SLC9A6: variants seen among roughly 807,000 people sequenced by gnomAD.
The protein encoded by SLC9A6 is solute carrier family 9 member A6, also known as sodium/hydrogen exchanger 6.
SLC9A6 carries 6 observed loss-of-function variants against 45.3 expected under a neutral mutation model. The observed-to-expected ratio is 0.13, with a 90% CI of 0.07 to 0.26. SLC9A6 has a LOEUF of 0.26. Among genes scored for constraint, SLC9A6 ranks in the 10% least tolerant of loss-of-function variants. SLC9A6 has a pLI of 1.00. For synonymous variants in SLC9A6, 191 were observed against 187.7 expected, an observed-to-expected ratio of 1.02 and a Z score of -0.14; for missense variants, 278 against 503.7, an observed-to-expected ratio of 0.55 and a Z score of 4.29.
chrX:135,999,745 G>C (rs2089554379), intron 6 of SLC9A6, among the ~76,000 whole-genome samples: 3 of 111,726 alleles, frequency 2.7e-5, no homozygotes. Flanking sequence ...TGATGTTTTT[G>C]AACTAAGGAT....
rs1603217554 is a variant in SLC9A6, at chrX:136,028,875, TTG to T, written c.1461-5_1461-4del. Reference sequence around the variant, plus strand: ...TAATCAATAAACATTTGAGCACCTATTGTGTGTCAGGTACTGTGCTAGACTCT... The same window carrying T: ...TAATCAATAAACATTTGAGCACCTATTGTGTCAGGTACTGTGCTAGACTCT... On this transcript the variant is annotated splice_polypyrimidine_tract_variant and intron_variant, in intron 13 of 17. Coordinates refer to ENST00000630721, the MANE Select transcript of SLC9A6 (RefSeq NM_001379110.1). 2.7e-5 allele frequency: 8 copies of T among 294,597 alleles called. No individual in the cohort carries two copies. The highest frequency in any genetic ancestry group is 1.2e-4 in the Admixed American group (2 of 16,092). 24.3% of individuals were successfully genotyped at this position (294,597 alleles called of 1,213,427 possible).
chrX:136,039,915 T>A, intron 16 of SLC9A6, 161 bp from the exon 17 acceptor site: 1 of 498,009 alleles, frequency 2.0e-6, no homozygotes, highest in Non-Finnish European at 3.6e-6. Context: ...ACCCCTTTGC[T>A]GTTTCACTGC....
rs1430013153 is a variant in SLC9A6, at chrX:135,998,547, T to C, written c.513T>C (p.Cys171=). 1 of 1,169,271 alleles carries C rather than the reference T, an allele frequency of 8.6e-7. No homozygotes were observed. Among genetic ancestry groups the C allele is most frequent in the African/African-American group, 1.8e-5 (1 of 56,052 alleles). ...AYAFLGTAIS[C]FVIGSIMYGC... ...CTTTTCTTGGAACAGCAATTTCTTGTTTCGTTATTGGGTAAGTATTTTAAG... is the reference window on the plus strand; with the variant it reads ...CTTTTCTTGGAACAGCAATTTCTTGCTTCGTTATTGGGTAAGTATTTTAAG... Residue 171 remains cysteine (C), a synonymous_variant, in exon 5 of 18, where the codon TGT becomes TGC. Coordinates refer to ENST00000630721, the MANE Select transcript of SLC9A6 (RefSeq NM_001379110.1).
chrX:136,021,476 G>A (rs1556619917), intron 11 of SLC9A6, among the ~76,000 whole-genome samples: 1 of 112,485 alleles, frequency 8.9e-6, no homozygotes, highest in Non-Finnish European at 1.9e-5. Flanking sequence ...TCTGTCTTTA[G>A]TCTTACAGAT....
Position 136,046,298 on chromosome X carries a change from T to C in SLC9A6, c.*1574T>C, listed in dbSNP as rs1252135251. 1.8e-5 allele frequency: 2 copies of C among 112,458 alleles called. No individual in the cohort carries two copies. Among genetic ancestry groups the C allele is most frequent in the African/African-American group, 6.5e-5 (2 of 30,801 alleles). The allele number at this position is 112,458 out of a possible 1,213,427, so 9.3% of individuals were successfully genotyped here. On this transcript the variant is annotated 3_prime_UTR_variant, in exon 18 of 18. Coordinates refer to ENST00000630721, the MANE Select transcript of SLC9A6 (RefSeq NM_001379110.1). ...GTGCTATTGCAAACACTCCTTGAGA[T>C]TTTAGGGGAATTCTAATGTTGTACC...
intron 1 of SLC9A6, among the ~76,000 whole-genome samples, chrX:135,975,697 A>C (rs781901241): frequency 2.7e-5 from 3 of 112,271 alleles, no homozygotes; most frequent in Non-Finnish European, 5.6e-5. Context: ...AGTCCTTCCA[A>C]TCTTTTGAAT....
chrX:136,012,158 C>A (rs1466966031), intron 8 of SLC9A6, among the ~76,000 whole-genome samples: 2 of 112,968 alleles, frequency 1.8e-5, no homozygotes, highest in East Asian at 5.6e-4. Flanking sequence ...AAAACAGATA[C>A]GTTATTCTTT....
At chrX:136,044,358 A>C in intron 17 of SLC9A6, 94 bp from the exon 18 acceptor site, 1 of 769,486 alleles carries the variant, frequency 1.3e-6, no homozygotes, top group Non-Finnish European at 2.0e-6. Flanking sequence ...GCTACCACTT[A>C]AGGGTTTTAA....
intron 11 of SLC9A6, among the ~76,000 whole-genome samples, chrX:136,017,431 C>A (rs1183648906): frequency 2.2e-4 from 23 of 105,856 alleles, no homozygotes; most frequent in African/African-American, 7.2e-4. Flanking sequence ...AAAAAAAAAA[C>A]CAAAAAACCA....
Position 135,998,857 on chromosome X carries a change from T to A in SLC9A6, c.526T>A (p.Ser176Thr). The A allele has an allele frequency of 8.5e-7, 1 of 1,181,362 alleles. No individual in the cohort carries two copies. The highest frequency in any genetic ancestry group is 1.2e-6 in the Non-Finnish European group (1 of 867,737). Residue 176 changes from serine to threonine, a missense_variant and splice_region_variant, in exon 6 of 18, where the codon TCA becomes ACA. By Grantham distance (58) the Ser-to-Thr change is moderately conservative. Transcript: ENST00000630721. Reference sequence around the variant, plus strand: ...AGTAGGACTGTGTTTATTGAACAGGTCAATAATGTATGGCTGTGTAACGCT... The same window carrying A: ...AGTAGGACTGTGTTTATTGAACAGGACAATAATGTATGGCTGTGTAACGCT... ...GTAISCFVIG[S>T]IMYGCVTLMK...
intron 7 of SLC9A6, among the ~76,000 whole-genome samples, chrX:136,008,004 A>G (rs1390461774): frequency 9.0e-6 from 1 of 111,562 alleles, no homozygotes; most frequent in Non-Finnish European, 1.9e-5. Flanking sequence ...AAGGCAGTGG[A>G]GCAACATGTA....
At chrX:136,035,577 A>G (rs1556621719) in intron 16 of SLC9A6, among the ~76,000 whole-genome samples, 1 of 111,648 alleles carries the variant, frequency 9.0e-6, no homozygotes, top group Non-Finnish European at 1.9e-5. Flanking sequence ...TTTGTTTGTA[A>G]CCAGTCTACT....
chrX:135,999,374 T>G (rs1272806802), intron 6 of SLC9A6, among the ~76,000 whole-genome samples: 1 of 111,603 alleles, frequency 9.0e-6, no homozygotes, highest in Non-Finnish European at 1.9e-5. Flanking sequence ...TAAAAATCTT[T>G]CAGTTTCTAT....
intron 2 of SLC9A6, among the ~76,000 whole-genome samples, chrX:135,989,482 A>G (rs1251969119): frequency 8.9e-6 from 1 of 112,434 alleles, no homozygotes; most frequent in Non-Finnish European, 1.9e-5. Context: ...TGATTCATCA[A>G]TAAATATTGA....
chrX:135,973,954 A>G, upstream of SLC9A6: 2 of 1,095,887 alleles, frequency 1.8e-6, no homozygotes, highest in Non-Finnish European at 2.4e-6. Context: ...TCATAAACGA[A>G]GAGGCGAAAG....
chrX:135,982,968 A>G (rs967160000), upstream of SLC9A6, among the ~76,000 whole-genome samples: 3 of 111,697 alleles, frequency 2.7e-5, no homozygotes, highest in African/African-American at 6.5e-5. Context: ...GTCACTCAGG[A>G]TGATGTCAGG....
At chrX:135,977,150 C>T (rs1175581282) in intron 1 of SLC9A6, among the ~76,000 whole-genome samples, 1 of 111,969 alleles carries the variant, frequency 8.9e-6, no homozygotes, top group African/African-American at 3.2e-5. Context: ...GCTCTTAGAA[C>T]AAAAGTCAAA....
chrX:135,976,425 A>G (rs2089262938), intron 1 of SLC9A6, among the ~76,000 whole-genome samples: 1 of 110,744 alleles, frequency 9.0e-6, no homozygotes, highest in East Asian at 2.8e-4. Context: ...ACATGGTGAA[A>G]CCCCATCTCT....
chrX:136,027,360 G>C (rs1409206258), intron 13 of SLC9A6, among the ~76,000 whole-genome samples: 1 of 111,676 alleles, frequency 9.0e-6, no homozygotes, highest in Non-Finnish European at 1.9e-5. Context: ...TCAGGAAGAA[G>C]AGCAGTCTAG....
Sources: gnomAD v4.1 joint callset for allele counts (sites outside exome capture counted in the v4.1 genomes callset) on GRCh38, gnomAD v4.1.1 for gene constraint, MANE v1.5 for transcripts, NCBI Gene and HGNC (gene_info 2026-07-23, HGNC 2026-07-21) for gene names.